The following ZNF563 variants were observed in gnomAD, a reference collection of about 807,000 sequenced individuals.
ZNF563 encodes zinc finger protein 563.
A neutral mutation model predicts 48.5 loss-of-function variants in ZNF563; 39 were observed. The observed-to-expected ratio is 0.80, with a 90% confidence interval of 0.62 to 1.05. The LOEUF (loss-of-function observed/expected upper bound fraction) is 1.05. Among genes scored for constraint, ZNF563 ranks in the 50% least tolerant of loss-of-function variants. The pLI is 0.00. For missense variants in ZNF563, 538 were observed against 597.0 expected, an observed-to-expected ratio of 0.90 and a Z score of 1.03; for synonymous variants, 168 against 187.9, an observed-to-expected ratio of 0.89 and a Z score of 0.87.
At chr19:12,321,938 T>C (rs910254025) in intron 2 of ZNF563, among the ~76,000 whole-genome samples, 1 of 152,378 alleles carries the variant, frequency 6.6e-6, no homozygotes, top group African/African-American at 2.4e-5. Context: ...CTCTTCTTTA[T>C]GATTTTCCTA....
chr19:12,338,851 T>C, the ZNF563 span, among the ~76,000 whole-genome samples: 1 of 151,532 alleles, frequency 6.6e-6, no homozygotes, highest in Admixed American at 6.6e-5. Context: ...AGACTCCATC[T>C]CAAAACAAAA....
chr19:12,319,498 T>C lies in ZNF563; in HGVS notation c.527A>G (p.Lys176Arg). 5 of 1,614,208 alleles carry C rather than the reference T, an allele frequency of 3.1e-6. No homozygotes were observed. Among genetic ancestry groups the C allele is most frequent in the Non-Finnish European group, 3.4e-6 (4 of 1,180,026 alleles). Reference sequence around the variant, plus strand: ...AAGGTTTCTACGAGAACTGAAGGTTTTTCCACATTCCTTACACTCATAGCG... The same window carrying C: ...AAGGTTTCTACGAGAACTGAAGGTTCTTCCACATTCCTTACACTCATAGCG... ...KKRYECKECGKTFSSRRNLRR... is the reference protein window; with the variant it reads ...KKRYECKECGRTFSSRRNLRR... Residue 176 changes from lysine (K) to arginine (R), a missense_variant, in exon 4 of 4, where the codon AAA becomes AGA. Physicochemically the swap from Lys to Arg is conservative, Grantham distance 26 (BLOSUM62 2). Transcript: ENST00000293725.
chr19:12,337,983 T>C (rs2145824724), upstream of ZNF563, among the ~76,000 whole-genome samples: 1 of 152,220 alleles, frequency 6.6e-6, no homozygotes, highest in East Asian at 1.9e-4. Flanking sequence ...AGAACTGTAG[T>C]CCTAGCTATT....
chr19:12,345,153 A>G, the ZNF563 span, among the ~76,000 whole-genome samples: 2 of 152,234 alleles, frequency 1.3e-5, no homozygotes, highest in Non-Finnish European at 2.9e-5. Flanking sequence ...TAAGATTAAA[A>G]TACTACCAAA....
chr19:12,330,117 C>T (rs944919147), intron 1 of ZNF563, among the ~76,000 whole-genome samples: 6 of 152,004 alleles, frequency 3.9e-5, no homozygotes, highest in Admixed American at 3.9e-4. Flanking sequence ...GACGGGCTTC[C>T]CCATGTTGGC....
chr19:12,335,994 C>T (rs1287568995), upstream of ZNF563, among the ~76,000 whole-genome samples: 1 of 152,198 alleles, frequency 6.6e-6, no homozygotes, highest in African/African-American at 2.4e-5. Flanking sequence ...GAATGTTCCC[C>T]ATGGCCTCTG....
chr19:12,330,627 A>C (rs1210127697), intron 1 of ZNF563, among the ~76,000 whole-genome samples: 1 of 152,222 alleles, frequency 6.6e-6, no homozygotes, highest in Admixed American at 6.5e-5. Flanking sequence ...ACTATGGCAC[A>C]GCAGGTATTG....
At chr19:12,334,090 G>A (rs1411054735), upstream of ZNF563, among the ~76,000 whole-genome samples, 3 of 152,180 alleles carry the variant, frequency 2.0e-5, no homozygotes, top group Non-Finnish European at 4.4e-5. Flanking sequence ...GTGGCCTGAT[G>A]TCCACCGGGC....
At chr19:12,333,798 G>A (rs559834227), upstream of ZNF563, 27 of 457,136 alleles carry the variant, frequency 5.9e-5, no homozygotes, top group South Asian at 9.3e-4. Flanking sequence ...GACAGAAGAA[G>A]CGATCACACA....
the ZNF563 span, among the ~76,000 whole-genome samples, chr19:12,339,273 CTTTTTTTTTTTTTTTTT>C: frequency 1.2e-5 from 1 of 86,476 alleles, no homozygotes; most frequent in East Asian, 3.8e-4. Flanking sequence ...CAGTTGATTT[CTTTTTTTTTTTTTTTTT>C]TTTTTTTGAG....
intron 3 of ZNF563, among the ~76,000 whole-genome samples, chr19:12,320,912 G>A (rs1037700327): frequency 1.3e-5 from 2 of 152,104 alleles, no homozygotes; most frequent in Non-Finnish European, 2.9e-5. Context: ...GGCCAAGGCA[G>A]GCAGATTGCT....
the ZNF563 span, among the ~76,000 whole-genome samples, chr19:12,341,113 C>T: frequency 6.6e-6 from 1 of 152,208 alleles, no homozygotes; most frequent in Non-Finnish European, 1.5e-5. Flanking sequence ...TGCAGTGGCA[C>T]AATCTTGGCT....
chr19:12,328,912 T>C (rs1484785692), intron 1 of ZNF563, among the ~76,000 whole-genome samples: 2 of 152,108 alleles, frequency 1.3e-5, no homozygotes, highest in Non-Finnish European at 2.9e-5. Context: ...AGTACACAGA[T>C]GTCAAAGAAA....
upstream of ZNF563, among the ~76,000 whole-genome samples, chr19:12,335,777 T>C (rs1969014173): frequency 1.3e-5 from 2 of 152,246 alleles, no homozygotes; most frequent in Non-Finnish European, 2.9e-5. Flanking sequence ...CTGTTAGCAT[T>C]GGATCATACT....
chr19:12,333,398 G>C (rs1049452345), intron 1 of ZNF563, 82 bp downstream of exon 1: 1 of 1,557,484 alleles, frequency 6.4e-7, no homozygotes, highest in Non-Finnish European at 8.7e-7. Context: ...CGGCGGGGGA[G>C]GCCCACGTTC....
upstream of ZNF563, among the ~76,000 whole-genome samples, chr19:12,335,126 T>A (rs1217208844): frequency 2.6e-5 from 4 of 152,066 alleles, no homozygotes; most frequent in African/African-American, 7.2e-5. Context: ...CCACTCCAGG[T>A]GGCTGGGGCT....
intron 1 of ZNF563, among the ~76,000 whole-genome samples, chr19:12,329,504 A>C (rs1264280297): frequency 6.6e-6 from 1 of 151,782 alleles, no homozygotes; most frequent in African/African-American, 2.4e-5. Context: ...AGAAAACATC[A>C]ACAAACCAAC....
In ZNF563 at chr19:12,318,009, CTTT is replaced by C. The variant is rs373365616; in HGVS notation, c.*582_*584del. ...TCTCCAGAGTGAATCCTTTCATGTACTTTTTTTTTTTTTTTGAGACAGGGTCTG... is the reference window on the plus strand; with the variant it reads ...TCTCCAGAGTGAATCCTTTCATGTACTTTTTTTTTTTTGAGACAGGGTCTG... On this transcript the variant is annotated 3_prime_UTR_variant, in exon 4 of 4. Coordinates refer to ENST00000293725, the MANE Select transcript of ZNF563 (RefSeq NM_145276.3). 1.9e-4 allele frequency: 28 copies of C among 143,600 alleles called. No individual in the cohort carries two copies. The highest frequency in any genetic ancestry group is 3.4e-3 in the Middle Eastern group (1 of 298). The allele number at this position is 143,600 out of a possible 1,614,324, so 8.9% of individuals were successfully genotyped here.
chr19:12,320,137 C>T (rs1334053334), intron 3 of ZNF563, among the ~76,000 whole-genome samples: 1 of 152,026 alleles, frequency 6.6e-6, no homozygotes, highest in African/African-American at 2.4e-5. Flanking sequence ...AGGCTGTTCT[C>T]GAACTTCTGA....
Sources: gnomAD v4.1 joint callset for allele counts (sites outside exome capture counted in the v4.1 genomes callset) on GRCh38, gnomAD v4.1.1 for gene constraint, MANE v1.5 for transcripts, NCBI Gene and HGNC (gene_info 2026-07-23, HGNC 2026-07-21) for gene names.